OXCT1: variants seen among roughly 807,000 people sequenced by gnomAD.
OXCT1 encodes succinyl-CoA:3-ketoacid coenzyme A transferase 1, mitochondrial.
In OXCT1, 27 loss-of-function variants were observed where a neutral mutation model predicts 69.6. That is an observed-to-expected ratio of 0.39 (90% CI 0.29 to 0.54). The LOEUF (loss-of-function observed/expected upper bound fraction) is 0.54. Among genes scored for constraint, OXCT1 ranks in the 20% least tolerant of loss-of-function variants. The pLI, the probability that OXCT1 is intolerant of heterozygous loss-of-function variation, is 0.72. For synonymous variants in OXCT1, 202 were observed against 217.8 expected (o/e 0.93, Z 0.64); for missense variants, 437 against 650.2 (o/e 0.67, Z 3.57).
At chr5:41,850,786 T>A (rs1422524857) in intron 4 of OXCT1, among the ~76,000 whole-genome samples, 4 of 152,216 alleles carry the variant, frequency 2.6e-5, no homozygotes, top group African/African-American at 4.8e-5. Flanking sequence ...ACTTTGTATC[T>A]TCTTTTGATC....
At chr5:41,826,403 A>C (rs1355516871) in intron 7 of OXCT1, among the ~76,000 whole-genome samples, 1 of 152,170 alleles carries the variant, frequency 6.6e-6, no homozygotes, top group Admixed American at 6.5e-5. Flanking sequence ...CACTGGGTCA[A>C]TGAGAACAGT....
rs753558509 is a variant in OXCT1, at chr5:41,853,515, C to T, written c.318G>A (p.Lys106=). 2.5e-6 allele frequency: 4 copies of T among 1,613,868 alleles called. No individual in the cohort carries two copies. Among genetic ancestry groups the T allele is most frequent in the Non-Finnish European group, 3.4e-6 (4 of 1,179,924 alleles). The change falls in exon 4 of 17, where the codon AAG becomes AAA. Residue 106 remains lysine (K), a synonymous_variant. Coordinates refer to ENST00000196371, the MANE Select transcript of OXCT1 (RefSeq NM_000436.4). The part of the protein sequence containing the change: ...NFGLGLLLRS[K]QIKRMVSSYV... ...ATGAAGAGACCATGCGTTTTATCTG[C>T]TTGGACCGAAGCAAAAGCCCCAAAC...
intron 7 of OXCT1, among the ~76,000 whole-genome samples, chr5:41,819,715 T>A (rs143069125): frequency 1.3e-5 from 2 of 151,906 alleles, no homozygotes; most frequent in African/African-American, 4.8e-5. Context: ...ACAAAATTGT[T>A]AATTATTTTG....
intron 7 of OXCT1, among the ~76,000 whole-genome samples, chr5:41,819,428 C>T (rs1312438333): frequency 6.6e-6 from 1 of 152,154 alleles, no homozygotes; most frequent in Non-Finnish European, 1.5e-5. Context: ...TGGAGTGCAG[C>T]AGCAGGATCT....
chr5:41,859,275 A>G (rs1306207099), intron 3 of OXCT1, among the ~76,000 whole-genome samples: 1 of 152,198 alleles, frequency 6.6e-6, no homozygotes, highest in East Asian at 1.9e-4. Flanking sequence ...TATGCCAGAA[A>G]GAGGTCATAA....
At chr5:41,791,806 A>T (rs528160545) in intron 13 of OXCT1, among the ~76,000 whole-genome samples, 134 of 148,110 alleles carry the variant, frequency 9.0e-4, no homozygotes, top group Admixed American at 3.4e-3. Context: ...TTATTTATTT[A>T]TTTTTTTTTT....
chr5:41,837,726 A>T (rs1448613482), intron 7 of OXCT1, among the ~76,000 whole-genome samples: 1 of 152,166 alleles, frequency 6.6e-6, no homozygotes, highest in Non-Finnish European at 1.5e-5. Context: ...AGTTTAAAGC[A>T]TCCATTGATA....
chr5:41,795,175 T>C (rs1746121366), intron 11 of OXCT1, among the ~76,000 whole-genome samples: 2 of 152,092 alleles, frequency 1.3e-5, no homozygotes, highest in South Asian at 4.1e-4. Context: ...ATATGCACAG[T>C]TTACAATGGG....
chr5:41,772,444 G>C (rs1218232129), intron 13 of OXCT1, among the ~76,000 whole-genome samples: 8 of 151,092 alleles, frequency 5.3e-5, no homozygotes, highest in Non-Finnish European at 4.4e-5. Context: ...ACAATAGAAA[G>C]GATCAGAAAG....
At chr5:41,859,342 T>C (rs1749610961) in intron 3 of OXCT1, among the ~76,000 whole-genome samples, 1 of 152,198 alleles carries the variant, frequency 6.6e-6, no homozygotes, top group Non-Finnish European at 1.5e-5. Flanking sequence ...CCATTAAATT[T>C]CAAAGAAAGA....
chr5:41,781,615 C>G (rs1272852623), intron 13 of OXCT1, among the ~76,000 whole-genome samples: 1 of 152,136 alleles, frequency 6.6e-6, no homozygotes, highest in Non-Finnish European at 1.5e-5. Context: ...TCCCCCCATA[C>G]CCCAACAGGC....
chr5:41,853,676 C>G (rs1277825737), intron 3 of OXCT1, 122 bp from the exon 4 acceptor site: 3 of 1,105,712 alleles, frequency 2.7e-6, no homozygotes, highest in Middle Eastern at 2.0e-4. Flanking sequence ...GGCATTTGAT[C>G]CACATTCTTA....
At chr5:41,865,096 C>T (rs189193556) in intron 1 of OXCT1, among the ~76,000 whole-genome samples, 15 of 152,286 alleles carry the variant, frequency 9.8e-5, no homozygotes, top group African/African-American at 3.4e-4. Flanking sequence ...CTTTGAGTTA[C>T]AATCCGAATA....
At chr5:41,737,251 C>T (rs1554064853) in intron 16 of OXCT1, among the ~76,000 whole-genome samples, 2 of 152,172 alleles carry the variant, frequency 1.3e-5, no homozygotes, top group Non-Finnish European at 2.9e-5. Context: ...AACAAGATTA[C>T]ATATCCCTGT....
chr5:41,819,491 C>T (rs1178982241), intron 7 of OXCT1, among the ~76,000 whole-genome samples: 2 of 152,074 alleles, frequency 1.3e-5, no homozygotes, highest in African/African-American at 4.8e-5. Flanking sequence ...CTGCCTCAGC[C>T]TCCTGAGTAG....
intron 16 of OXCT1, among the ~76,000 whole-genome samples, chr5:41,734,391 A>G (rs535749964): frequency 1.3e-5 from 2 of 152,366 alleles, no homozygotes; most frequent in South Asian, 4.1e-4. Flanking sequence ...CCTATTTTAC[A>G]TAGCTTAAGC....
chr5:41,765,404 T>C (rs981867435), intron 13 of OXCT1, among the ~76,000 whole-genome samples: 1 of 152,202 alleles, frequency 6.6e-6, no homozygotes, highest in Non-Finnish European at 1.5e-5. Flanking sequence ...AAGGACCATC[T>C]GTTGCACAGC....
chr5:41,779,067 T>G (rs1745271049), intron 13 of OXCT1, among the ~76,000 whole-genome samples: 1 of 152,224 alleles, frequency 6.6e-6, no homozygotes, highest in Non-Finnish European at 1.5e-5. Context: ...TAGGCTAAAT[T>G]ATTAAATGTA....
chr5:41,786,628 T>C (rs1181677762), intron 13 of OXCT1, among the ~76,000 whole-genome samples: 1 of 152,170 alleles, frequency 6.6e-6, no homozygotes, highest in African/African-American at 2.4e-5. Context: ...TTTCCTAGAG[T>C]GAGCTGAAAT....
Sources: gnomAD v4.1 joint callset for allele counts (sites outside exome capture counted in the v4.1 genomes callset) on GRCh38, gnomAD v4.1.1 for gene constraint, MANE v1.5 for transcripts, NCBI Gene and HGNC (gene_info 2026-07-23, HGNC 2026-07-21) for gene names.